HIBCH: variants seen among roughly 807,000 people sequenced by gnomAD.
HIBCH encodes the protein 3-hydroxyisobutyryl-CoA hydrolase, mitochondrial.
HIBCH carries 50 observed loss-of-function variants against 58.2 expected under a neutral mutation model. The ratio of observed to expected loss-of-function variants is 0.86; its 90% CI spans 0.68 to 1.09. The LOEUF (loss-of-function observed/expected upper bound fraction) is 1.09. HIBCH is among the 50% of genes least tolerant of loss of function. The pLI, the probability that HIBCH is intolerant of heterozygous loss-of-function variation, is 0.00. For synonymous variants in HIBCH, 151 were observed against 146.9 expected (o/e 1.03, Z -0.20); for missense variants, 450 against 449.7 (o/e 1.00, Z -0.01).
At chr2:190,213,419 G>T (rs1225567189) in intron 11 of HIBCH, 3 of 292,580 alleles carry the variant, frequency 1.0e-5, no homozygotes, top group Non-Finnish European at 2.0e-5. Context: ...ATGGAGTATA[G>T]AAAATAACGC....
chr2:190,285,053 TGA>T (rs748650182), intron 6 of HIBCH, among the ~76,000 whole-genome samples: 43 of 152,346 alleles, frequency 2.8e-4, no homozygotes, highest in Middle Eastern at 3.4e-3. Context: ...GAATGCTTTG[TGA>T]GAGTTTCTCA....
At position 190,294,588 on chromosome 2, in the gene HIBCH, C is replaced by T; in HGVS notation, c.262G>A (p.Gly88Arg). The T allele has an allele frequency of 6.2e-7, 1 of 1,612,754 alleles. No homozygotes were observed. The highest frequency in any genetic ancestry group is 8.5e-7 in the Non-Finnish European group (1 of 1,179,674). ...DPETFLIIIKGAGGKAFCAGG... is the reference protein window; with the variant it reads ...DPETFLIIIKRAGGKAFCAGG... ...GCACAGAAAGCCTTTCCTCCTGCTCCCTTTATAATGATCAGGAAAGTTTCA... is the reference window on the plus strand; with the variant it reads ...GCACAGAAAGCCTTTCCTCCTGCTCTCTTTATAATGATCAGGAAAGTTTCA... The change falls in exon 4 of 14, where the codon GGA (glycine) becomes AGA (arginine). Residue 88 changes from glycine (G) to arginine (R), a missense_variant. Gly to Arg is a moderately radical substitution (Grantham distance 125). Transcript: ENST00000359678.
intron 1 of HIBCH, among the ~76,000 whole-genome samples, chr2:190,313,253 G>C (rs141458741): frequency 7.2e-4 from 109 of 151,938 alleles, no homozygotes; most frequent in African/African-American, 2.6e-3. Context: ...AAATGTTATT[G>C]CTTCCTTAAA....
chr2:190,248,942 G>A (rs1319420923), intron 9 of HIBCH, among the ~76,000 whole-genome samples: 5 of 152,016 alleles, frequency 3.3e-5, no homozygotes, highest in African/African-American at 9.7e-5. Context: ...AGTCTTCAGA[G>A]GGACCTAGTC....
chr2:190,216,331 G>A lies in HIBCH; in HGVS notation c.892-3256C>T, dbSNP rs573069886. On this transcript the variant is annotated intron_variant, in intron 11 of 13. Transcript: ENST00000359678. The surrounding 1 kb of genome is among the most constrained non-coding windows in gnomAD (Gnocchi z 4.2). ...TGCCTATGGATGGCTGTCAGAAGGCGGCAGAAAGGATTCAGATTATGGAAG... is the reference window on the plus strand; with the variant it reads ...TGCCTATGGATGGCTGTCAGAAGGCAGCAGAAAGGATTCAGATTATGGAAG... 4.6e-5 allele frequency among the ~76,000 whole-genome samples: 7 copies of A among 152,272 alleles called. No homozygotes were observed. Among genetic ancestry groups the A allele is most frequent in the South Asian group, 2.1e-4 (1 of 4,824 alleles).
At chr2:190,203,849 T>C (rs1416759417), downstream of HIBCH, 1 of 152,152 alleles carries the variant, frequency 6.6e-6, no homozygotes, top group African/African-American at 2.4e-5. Flanking sequence ...TTCAGTTCCG[T>C]TGGCTTTTTA....
At chr2:190,247,222 TCAA>T (rs1414667265) in intron 9 of HIBCH, among the ~76,000 whole-genome samples, 1 of 152,084 alleles carries the variant, frequency 6.6e-6, no homozygotes, top group Non-Finnish European at 1.5e-5. Flanking sequence ...ATCAACTTGA[TCAA>T]AACGCTATCA....
At position 190,205,077 on chromosome 2, in the gene HIBCH, C is replaced by G. The variant is rs1690356811; in HGVS notation, c.*40G>C. Reference sequence around the variant, plus strand: ...GATTTGGCCCACATGCTGTAGATTGCCAACCCATGCTACAAAATATACCTT... The same window carrying G: ...GATTTGGCCCACATGCTGTAGATTGGCAACCCATGCTACAAAATATACCTT... On this transcript the variant is annotated 3_prime_UTR_variant, in exon 14 of 14. Coordinates refer to ENST00000359678, the MANE Select transcript of HIBCH (RefSeq NM_014362.4). 1 of 1,148,670 alleles carries G rather than the reference C, an allele frequency of 8.7e-7. No homozygotes were observed. The highest frequency in any genetic ancestry group is 1.8e-5 in the Admixed American group (1 of 56,636). The allele number at this position is 1,148,670 out of a possible 1,614,324, so 71.2% of individuals were successfully genotyped here. A position where few individuals can be genotyped will look rare whatever the true frequency, so the allele number is the denominator to read the frequency against.
At chr2:190,256,023 A>G (rs965552995) in intron 7 of HIBCH, among the ~76,000 whole-genome samples, 2 of 152,282 alleles carry the variant, frequency 1.3e-5, no homozygotes, top group African/African-American at 2.4e-5. Context: ...CTCACATGGT[A>G]GTAGGAGAAA....
intron 7 of HIBCH, among the ~76,000 whole-genome samples, chr2:190,259,754 T>G (rs1030163368): frequency 6.6e-6 from 1 of 152,194 alleles, no homozygotes; most frequent in Non-Finnish European, 1.5e-5. Flanking sequence ...CTGGAGCTGT[T>G]GGAGTTTTCC....
At chr2:190,199,105 A>G (rs530147481), downstream of HIBCH, among the ~76,000 whole-genome samples, 1 of 152,360 alleles carries the variant, frequency 6.6e-6, no homozygotes, top group Admixed American at 6.5e-5. Context: ...CAGGGGATAA[A>G]GCCAGACTCT....
chr2:190,225,637 C>G (rs955080748), intron 11 of HIBCH, among the ~76,000 whole-genome samples: 7 of 152,050 alleles, frequency 4.6e-5, no homozygotes, highest in African/African-American at 1.7e-4. Flanking sequence ...AATAGCCCAC[C>G]AACCGAAAAA....
At chr2:190,257,390 G>A (rs2105947257) in intron 7 of HIBCH, among the ~76,000 whole-genome samples, 1 of 151,978 alleles carries the variant, frequency 6.6e-6, no homozygotes, top group South Asian at 2.1e-4. Flanking sequence ...TCTAAAATAA[G>A]CAGAAGAAAG....
intron 7 of HIBCH, among the ~76,000 whole-genome samples, chr2:190,259,072 T>A (rs2105949164): frequency 6.6e-6 from 1 of 152,340 alleles, no homozygotes; most frequent in East Asian, 1.9e-4. Context: ...TTTGTTCTTT[T>A]TGCTTAAGAT....
intron 8 of HIBCH, 77 bp downstream of exon 8, chr2:190,252,085 C>A: frequency 1.5e-6 from 2 of 1,372,762 alleles, no homozygotes; most frequent in Non-Finnish European, 2.1e-6. Context: ...TGGCTCTCAA[C>A]CACCCATTGT....
intron 2 of HIBCH, 117 bp from the exon 3 acceptor site, chr2:190,297,070 ATAAC>A (rs1236185626): frequency 3.3e-6 from 3 of 910,816 alleles, no homozygotes; most frequent in African/African-American, 1.6e-5. Flanking sequence ...AAAGGAAAGA[ATAAC>A]TAGGTACACC....
At position 190,282,734 on chromosome 2, in the gene HIBCH, C is replaced by T. The variant is rs147860268; in HGVS notation, c.438+4852G>A. Among the ~76,000 whole-genome samples, 236 of 152,080 alleles carry T rather than the reference C, an allele frequency of 1.6e-3. 1 individual carries two copies. Among genetic ancestry groups the T allele is most frequent in the Non-Finnish European group, 2.7e-3 (187 of 68,012 alleles). Reference sequence around the variant, plus strand: ...CTAAAAAAAAAGAGACTGTTCACTTCCAGCCTGTTGTTTACTCTTTCAACG... The same window carrying T: ...CTAAAAAAAAAGAGACTGTTCACTTTCAGCCTGTTGTTTACTCTTTCAACG... On this transcript the variant is annotated intron_variant, in intron 6 of 13. Transcript: ENST00000359678.
chr2:190,262,124 T>C (rs1301364006), intron 6 of HIBCH, among the ~76,000 whole-genome samples: 1 of 132,702 alleles, frequency 7.5e-6, no homozygotes, highest in Non-Finnish European at 1.5e-5. Context: ...AAGATGACAA[T>C]GACAGCCAAG....
chr2:190,294,022 G>GTATATATATATATATATATA (rs1553505756), intron 4 of HIBCH, among the ~76,000 whole-genome samples: 2 of 83,018 alleles, frequency 2.4e-5, no homozygotes, highest in South Asian at 4.2e-4. Flanking sequence ...TATTTTGTGT[G>GTATATATATATATATATATA]TATATATATA....
Sources: gnomAD v4.1 joint callset for allele counts (sites outside exome capture counted in the v4.1 genomes callset) on GRCh38, gnomAD v4.1.1 for gene constraint, Gnocchi (gnomAD v3.1) non-coding constraint, MANE v1.5 for transcripts, NCBI Gene and HGNC (gene_info 2026-07-23, HGNC 2026-07-21) for gene names.